Variants in DST observed in about 807,000 individuals in gnomAD.
The protein encoded by DST is dystonin.
A neutral mutation model predicts 875.2 loss-of-function variants in DST; 253 were observed. That is an observed-to-expected ratio of 0.29 (90% confidence interval 0.26 to 0.32). The LOEUF is 0.32. Ranked by LOEUF, DST falls within the 10% of genes least tolerant of loss-of-function variation. The probability of loss-of-function intolerance (pLI) is 1.00; values close to 1 mark genes in which losing one functional copy is unlikely to be tolerated. For missense variants in DST, 8,287 were observed against 9,111.6 expected, an observed-to-expected ratio of 0.91 and a Z score of 3.68; for synonymous variants, 3,124 against 3,197.1, an observed-to-expected ratio of 0.98 and a Z score of 0.77.
chr6:56,817,835 T>A (rs765333598), intron 4 of DST, among the ~76,000 whole-genome samples: 3 of 152,132 alleles, frequency 2.0e-5, no homozygotes, highest in Non-Finnish European at 2.9e-5. Context: ...TCAGAACCCA[T>A]GAATATGTTA....
At chr6:56,587,745 G>A (rs2098186879) in intron 49 of DST, among the ~76,000 whole-genome samples, 1 of 151,986 alleles carries the variant, frequency 6.6e-6, no homozygotes, top group African/African-American at 2.4e-5. Context: ...GAAGAGAGTG[G>A]GGGCCAATAT....
At chr6:56,758,656 G>A (rs1162854391) in intron 4 of DST, among the ~76,000 whole-genome samples, 1 of 152,172 alleles carries the variant, frequency 6.6e-6, no homozygotes, top group Admixed American at 6.5e-5. Context: ...TCACATGGCT[G>A]GTGGCTGATG....
At chr6:56,842,054 G>A (rs1231912157) in intron 4 of DST, among the ~76,000 whole-genome samples, 3 of 151,722 alleles carry the variant, frequency 2.0e-5, no homozygotes, top group Non-Finnish European at 4.4e-5. Flanking sequence ...TGGGCTTTTT[G>A]GGGCTTTGGA....
At chr6:56,670,520 T>A (rs1563582464) in intron 10 of DST, 121 bp downstream of exon 10, 3 of 815,964 alleles carry the variant, frequency 3.7e-6, no homozygotes, top group Non-Finnish European at 5.3e-6. Flanking sequence ...TTAATTTTTC[T>A]GTATTTTCTA....
chr6:56,841,314 G>T (rs2099799690), intron 4 of DST, among the ~76,000 whole-genome samples: 2 of 152,290 alleles, frequency 1.3e-5, no homozygotes, highest in South Asian at 4.1e-4. Context: ...ACATAGCACA[G>T]CTATAAAGCC....
chr6:56,692,851 GTCT>G (rs1158106130), intron 9 of DST: 1 of 1,289,704 alleles, frequency 7.8e-7, no homozygotes, highest in African/African-American at 1.5e-5. Flanking sequence ...TACAACTTCT[GTCT>G]TCTTTTGCTG....
intron 49 of DST, among the ~76,000 whole-genome samples, chr6:56,586,069 T>C (rs966665177): frequency 6.6e-6 from 1 of 152,214 alleles, no homozygotes; most frequent in Non-Finnish European, 1.5e-5. Flanking sequence ...AAATGTATAT[T>C]CTGTTGATTT....
chr6:56,503,991 A>G lies in DST; in HGVS notation c.19566+6T>C, dbSNP rs1382019638. ...GAGTCTTCGATAAATTAGCCCCCACACATACCTTTAGCTCTTCAATCTGCT... is the reference window on the plus strand; with the variant it reads ...GAGTCTTCGATAAATTAGCCCCCACGCATACCTTTAGCTCTTCAATCTGCT... On this transcript the variant is annotated splice_donor_region_variant and intron_variant, in intron 78 of 103. Transcript: ENST00000680361. 1.3e-6 allele frequency: 2 copies of G among 1,599,324 alleles called. No individual in the cohort carries two copies. Among genetic ancestry groups the G allele is most frequent in the African/African-American group, 2.7e-5 (2 of 74,522 alleles).
At chr6:56,474,122 A>G in intron 92 of DST, 120 bp from the exon 93 acceptor site, 1 of 842,286 alleles carries the variant, frequency 1.2e-6, no homozygotes, top group Admixed American at 2.9e-5. Flanking sequence ...AGAATAAATC[A>G]TATGCTTTAT....
At chr6:56,792,476 T>C (rs2099728440) in intron 4 of DST, among the ~76,000 whole-genome samples, 1 of 152,142 alleles carries the variant, frequency 6.6e-6, no homozygotes, top group Non-Finnish European at 1.5e-5. Flanking sequence ...GATCGATTTT[T>C]TTTTTTAAGA....
At chr6:56,517,650 ACGTTCC>A (rs1583748051) in intron 69 of DST, 30 bp from the exon 70 acceptor site, 1 of 1,596,332 alleles carries the variant, frequency 6.3e-7, no homozygotes, top group African/African-American at 1.3e-5. Context: ...TTAGGTCAGC[ACGTTCC>A]CGTTCCTGAT....
At chr6:56,491,733 C>A (rs920106671) in intron 85 of DST, among the ~76,000 whole-genome samples, 1 of 151,998 alleles carries the variant, frequency 6.6e-6, no homozygotes, top group Non-Finnish European at 1.5e-5. Context: ...TGGGGAGTGC[C>A]GACCAACTCA....
intron 4 of DST, among the ~76,000 whole-genome samples, chr6:56,818,920 G>C (rs905161141): frequency 6.6e-6 from 1 of 152,022 alleles, no homozygotes; most frequent in Non-Finnish European, 1.5e-5. Flanking sequence ...GATGAATAAC[G>C]CATGTATACA....
At chr6:56,526,629 T>G in intron 68 of DST, 62 bp from the exon 69 acceptor site, 2 of 1,479,220 alleles carry the variant, frequency 1.4e-6, no homozygotes, top group Non-Finnish European at 1.9e-6. Flanking sequence ...CCTTTAACTG[T>G]TCTTGGAGCT....
chr6:56,629,125 AGAG>A, intron 32 of DST, 122 bp downstream of exon 32: 1 of 887,934 alleles, frequency 1.1e-6, no homozygotes. Context: ...ATGGCTAAGT[AGAG>A]GTATTGTAAT....
chr6:56,711,011 G>GT (rs143866885), intron 5 of DST, among the ~76,000 whole-genome samples: 12,743 of 149,188 alleles, frequency 0.085, 1,724 homozygotes, highest in African/African-American at 0.29. Context: ...ATAATAGAGA[G>GT]TTTTTTTTTT....
At chr6:56,729,329 G>A (rs1271892113) in intron 5 of DST, among the ~76,000 whole-genome samples, 3 of 152,140 alleles carry the variant, frequency 2.0e-5, no homozygotes, top group Admixed American at 1.3e-4. Context: ...AGTGGCTCAC[G>A]CCTGTAATCC....
intron 49 of DST, among the ~76,000 whole-genome samples, chr6:56,581,237 A>G (rs6929091): frequency 0.42 from 64,116 of 151,600 alleles, 14,097 homozygotes; most frequent in African/African-American, 0.51. Context: ...CAAGATACAC[A>G]ATGTGACTCC....
chr6:56,741,149 A>C (rs1222033236), intron 4 of DST, among the ~76,000 whole-genome samples: 1 of 152,210 alleles, frequency 6.6e-6, no homozygotes, highest in Non-Finnish European at 1.5e-5. Flanking sequence ...TATATTAAGA[A>C]AGCTGATTTA....
Sources: allele counts gnomAD v4.1 joint callset (sites outside exome capture counted in the v4.1 genomes callset), GRCh38; gene constraint gnomAD v4.1.1; transcripts MANE v1.5; gene names NCBI Gene and HGNC (gene_info 2026-07-23, HGNC 2026-07-21).